ARHGAP22: variants seen among roughly 807,000 people sequenced by gnomAD.
The protein encoded by ARHGAP22 is Rho GTPase activating protein 22, also known as rho GTPase-activating protein 22.
In ARHGAP22, 48 loss-of-function variants were observed where a neutral mutation model predicts 59.1. That is an observed-to-expected ratio of 0.81 (90% CI 0.64 to 1.03). ARHGAP22 has a LOEUF of 1.03. ARHGAP22 is among the 50% of genes least tolerant of loss of function. The probability of loss-of-function intolerance (pLI) is 0.00; values close to 1 mark genes in which losing one functional copy is unlikely to be tolerated. For missense variants in ARHGAP22, 1,015 were observed against 958.7 expected (o/e 1.06, Z -0.78); for synonymous variants, 445 against 416.4 (o/e 1.07, Z -0.84).
Position 48,555,558 on chromosome 10 carries a change from G to T in ARHGAP22, c.235-8C>A, listed in dbSNP as rs201751432. Reference sequence around the variant, plus strand: ...TTGTAGAGAAATAAATCCCTAAAAAGGAGGCAAACACAAACACAGGGAGCA... The same window carrying T: ...TTGTAGAGAAATAAATCCCTAAAAATGAGGCAAACACAAACACAGGGAGCA... On this transcript the variant is annotated splice_region_variant and splice_polypyrimidine_tract_variant and intron_variant, in intron 2 of 9. Coordinates refer to ENST00000249601, the MANE Select transcript of ARHGAP22 (RefSeq NM_021226.4). 1 of 1,613,342 alleles carries T rather than the reference G, an allele frequency of 6.2e-7. No homozygotes were observed. Among genetic ancestry groups the T allele is most frequent in the Non-Finnish European group, 8.5e-7 (1 of 1,179,258 alleles).
At position 48,450,617 on chromosome 10, in the gene ARHGAP22, T is replaced by A. The variant is rs1473823728; in HGVS notation, c.1512A>T (p.Ile504=). 3.2e-6 allele frequency: 5 copies of A among 1,548,544 alleles called. No homozygotes were observed. The highest frequency in any genetic ancestry group is 1.4e-5 in the African/African-American group (1 of 73,032). The change falls in exon 9 of 10, where the codon ATA becomes ATT. Residue 504 remains isoleucine (I), a synonymous_variant. Coordinates refer to ENST00000249601, the MANE Select transcript of ARHGAP22 (RefSeq NM_021226.4). ...ACCACGCCATACTGGCCACGCTGGG[T>A]ATGCCGGGGACCAGGCCCGGCGCGG... is the stretch of plus-strand genomic sequence containing the variant. ...NVPAPGLVPG[I]PSVASMAWSG...
intron 2 of ARHGAP22, among the ~76,000 whole-genome samples, chr10:48,581,821 A>AT (rs2059138876): frequency 1.3e-5 from 2 of 152,212 alleles, no homozygotes. Context: ...GGAACTTTCC[A>AT]TAGAGGTAGC....
chr10:48,629,738 T>C (rs2061567008), intron 1 of ARHGAP22, among the ~76,000 whole-genome samples: 2 of 152,252 alleles, frequency 1.3e-5, no homozygotes, highest in Non-Finnish European at 2.9e-5. Flanking sequence ...ATAAAATAGC[T>C]TGCTAGGATT....
chr10:48,515,025 T>C (rs1398640752), intron 3 of ARHGAP22, among the ~76,000 whole-genome samples: 28 of 151,934 alleles, frequency 1.8e-4, no homozygotes, highest in Admixed American at 1.7e-3. Flanking sequence ...AATGGAGAAA[T>C]AGAACAAAAA....
Position 48,446,514 on chromosome 10 carries a change from G to A in ARHGAP22, c.1974C>T (p.Asn658=). Residue 658 remains asparagine, a synonymous_variant, in exon 10 of 10, where the codon AAC becomes AAT. Coordinates refer to ENST00000249601, the MANE Select transcript of ARHGAP22 (RefSeq NM_021226.4). ...KYIMLEIKLR[N]SERAREDAER... ...CCGCATCCTCCCGCGCCCGTTCAGA[G>A]TTCCGCAGCTTTATTTCCAGCATGA... is the stretch of plus-strand genomic sequence containing the variant. 2 of 1,614,224 alleles carry A rather than the reference G, an allele frequency of 1.2e-6. No homozygotes were observed. Among genetic ancestry groups the A allele is most frequent in the African/African-American group, 2.7e-5 (2 of 75,054 alleles).
At chr10:48,462,359 C>T (rs75077422) in intron 4 of ARHGAP22, among the ~76,000 whole-genome samples, 284 of 152,266 alleles carry the variant, frequency 1.9e-3, no homozygotes, top group African/African-American at 6.4e-3. Context: ...TAATCCTACC[C>T]ATCTGATAAC....
chr10:48,571,132 C>T (rs764765767), intron 2 of ARHGAP22, among the ~76,000 whole-genome samples: 3 of 152,172 alleles, frequency 2.0e-5, no homozygotes, highest in Non-Finnish European at 4.4e-5. Context: ...GGCCAACTTG[C>T]TACCCAGTGG....
At chr10:48,654,986 CCCT>C (rs2062723902), upstream of ARHGAP22, among the ~76,000 whole-genome samples, 1 of 132,416 alleles carries the variant, frequency 7.6e-6, no homozygotes, top group Non-Finnish European at 1.6e-5. Flanking sequence ...CATCCTTCCT[CCCT>C]TCCTCTCTCT....
intron 8 of ARHGAP22, chr10:48,451,397 C>T (rs559819504): frequency 1.4e-6 from 1 of 707,548 alleles, no homozygotes; most frequent in African/African-American, 1.7e-5. Context: ...TGTGCCTGCG[C>T]TCACGCCCTC....
chr10:48,547,891 T>G (rs369416715), intron 3 of ARHGAP22, among the ~76,000 whole-genome samples: 10 of 152,214 alleles, frequency 6.6e-5, no homozygotes, highest in African/African-American at 2.4e-4. Context: ...ATGGACCATC[T>G]GGAGCAGTGA....
At chr10:48,588,913 C>A (rs1439699024) in intron 1 of ARHGAP22, among the ~76,000 whole-genome samples, 1 of 152,092 alleles carries the variant, frequency 6.6e-6, no homozygotes, top group South Asian at 2.1e-4. Flanking sequence ...GGAGGGAGGC[C>A]CCAGGCCAGG....
At chr10:48,618,709 G>A (rs528863232) in intron 1 of ARHGAP22, among the ~76,000 whole-genome samples, 1 of 151,994 alleles carries the variant, frequency 6.6e-6, no homozygotes, top group Non-Finnish European at 1.5e-5. Flanking sequence ...ACACAATGAA[G>A]GCCATATATG....
intron 3 of ARHGAP22, among the ~76,000 whole-genome samples, chr10:48,496,369 G>C (rs1252505530): frequency 2.0e-5 from 3 of 152,162 alleles, no homozygotes; most frequent in Non-Finnish European, 2.9e-5. Context: ...CTATGCGCCA[G>C]TCATGTGCCA....
chr10:48,507,928 T>TG (rs1238916411), intron 3 of ARHGAP22, among the ~76,000 whole-genome samples: 10 of 10,718 alleles, frequency 9.3e-4, no homozygotes, highest in East Asian at 1.9e-3. Flanking sequence ...GGGGTGGGGG[T>TG]GGGGGGGGAT....
At chr10:48,507,736 C>T (rs946696456) in intron 3 of ARHGAP22, among the ~76,000 whole-genome samples, 2 of 152,112 alleles carry the variant, frequency 1.3e-5, no homozygotes, top group Non-Finnish European at 2.9e-5. Flanking sequence ...CAGTCAATCC[C>T]GAATTTGCTC....
intron 1 of ARHGAP22, among the ~76,000 whole-genome samples, chr10:48,591,751 G>A (rs184563869): frequency 2.2e-4 from 34 of 152,246 alleles, no homozygotes; most frequent in African/African-American, 7.0e-4. Context: ...GTGTGCCCCT[G>A]TGGTCCCAGC....
intron 4 of ARHGAP22, among the ~76,000 whole-genome samples, chr10:48,462,430 G>A (rs1400713112): frequency 2.0e-5 from 3 of 152,216 alleles, no homozygotes; most frequent in Non-Finnish European, 4.4e-5. Context: ...TGCCTGTTCA[G>A]TTTGTAGGAT....
chr10:48,605,104 C>T, upstream of ARHGAP22: 1 of 1,276,886 alleles, frequency 7.8e-7, no homozygotes, highest in Admixed American at 3.5e-5. Context: ...CTCCGCCTGG[C>T]CTGGGCGCAC....
intron 1 of ARHGAP22, among the ~76,000 whole-genome samples, chr10:48,604,055 C>T (rs533224661): frequency 1.3e-5 from 2 of 152,234 alleles, no homozygotes; most frequent in East Asian, 1.9e-4. Context: ...TGACACTTTC[C>T]GTGGCTAAGA....
Sources: allele counts gnomAD v4.1 joint callset (sites outside exome capture counted in the v4.1 genomes callset), GRCh38; gene constraint gnomAD v4.1.1; transcripts MANE v1.5; gene names NCBI Gene and HGNC (gene_info 2026-07-23, HGNC 2026-07-21).